Variants in SKAP1 observed in about 807,000 individuals in gnomAD.
SKAP1 encodes src kinase associated phosphoprotein 1, also known as src kinase-associated phosphoprotein 1.
SKAP1 carries 44 observed loss-of-function variants against 58.5 expected under a neutral mutation model. That is an observed-to-expected ratio of 0.75 (90% CI 0.59 to 0.97). The LOEUF is 0.97. Ranked by LOEUF, SKAP1 falls within the 50% of genes least tolerant of loss-of-function variation. The pLI, the probability that SKAP1 is intolerant of heterozygous loss-of-function variation, is 0.00. For missense variants in SKAP1, 390 were observed against 435.2 expected (o/e 0.90, Z 0.92); for synonymous variants, 127 against 149.7 (o/e 0.85, Z 1.11).
chr17:48,171,272 A>T (rs1440205964), intron 9 of SKAP1, among the ~76,000 whole-genome samples: 2 of 151,360 alleles, frequency 1.3e-5, no homozygotes, highest in Non-Finnish European at 2.9e-5. Flanking sequence ...ATGCCCAGCT[A>T]ATTTTGTATC....
intron 11 of SKAP1, among the ~76,000 whole-genome samples, chr17:48,147,183 C>G (rs1325995585): frequency 6.6e-6 from 1 of 152,158 alleles, no homozygotes; most frequent in Non-Finnish European, 1.5e-5. Context: ...GATGCATCTT[C>G]AAGAGAACAG....
intron 4 of SKAP1, among the ~76,000 whole-genome samples, chr17:48,262,245 A>G (rs1033144746): frequency 1.3e-5 from 2 of 152,202 alleles, no homozygotes; most frequent in African/African-American, 4.8e-5. Context: ...TCACAGTCCA[A>G]GTTCGGCCTC....
chr17:48,225,572 G>A (rs74966747), intron 4 of SKAP1, among the ~76,000 whole-genome samples: 89 of 152,270 alleles, frequency 5.8e-4, no homozygotes, highest in African/African-American at 2.0e-3. Flanking sequence ...TGGATTATGC[G>A]GAGGGCCCAT....
chr17:48,143,659 A>T (rs1319211947), intron 11 of SKAP1, among the ~76,000 whole-genome samples: 1 of 152,140 alleles, frequency 6.6e-6, no homozygotes, highest in Non-Finnish European at 1.5e-5. Flanking sequence ...GTAACTCGTA[A>T]AAACTAGCTT....
chr17:48,262,844 C>T (rs2065499165), intron 4 of SKAP1, among the ~76,000 whole-genome samples: 1 of 152,106 alleles, frequency 6.6e-6, no homozygotes, highest in Admixed American at 6.6e-5. Flanking sequence ...TTTTAGAAAG[C>T]AGGCAAACAA....
chr17:48,187,814 A>G lies in SKAP1; in HGVS notation c.442+29T>C, dbSNP rs770173353. The G allele has an allele frequency of 6.0e-6, 9 of 1,499,688 alleles. No homozygotes were observed. In the Admixed American group the frequency reaches 1.5e-4, roughly 25 times the overall value. The allele number at this position is 1,499,688 out of a possible 1,614,324, so 92.9% of individuals were successfully genotyped here. On this transcript the variant is annotated intron_variant, in intron 6 of 12. Coordinates refer to ENST00000336915, the MANE Select transcript of SKAP1 (RefSeq NM_003726.4). ...CGAAGTGTTTGCATCCAGGAGTGAG[A>G]TGCTGCTGTGTAAATGAAGAACACT...
chr17:48,291,316 GA>G (rs1049666260), intron 4 of SKAP1, among the ~76,000 whole-genome samples: 108 of 151,166 alleles, frequency 7.1e-4, no homozygotes, highest in Non-Finnish European at 1.3e-3. Context: ...ACTGGTGCTG[GA>G]AAAAAAAATT....
At chr17:48,333,878 T>C (rs186244874) in intron 4 of SKAP1, among the ~76,000 whole-genome samples, 9 of 152,076 alleles carry the variant, frequency 5.9e-5, no homozygotes, top group Admixed American at 5.2e-4. Context: ...AAACATGTAA[T>C]AGATTCCACA....
chr17:48,338,070 T>C (rs750421623), intron 4 of SKAP1, among the ~76,000 whole-genome samples: 5 of 151,856 alleles, frequency 3.3e-5, no homozygotes, highest in Non-Finnish European at 7.4e-5. Flanking sequence ...AGTTCCTTCT[T>C]TCTTTCTTTT....
chr17:48,276,629 T>A (rs773736210), intron 4 of SKAP1, among the ~76,000 whole-genome samples: 1 of 152,186 alleles, frequency 6.6e-6, no homozygotes, highest in Non-Finnish European at 1.5e-5. Context: ...ACATGGTACT[T>A]CCCTAATCAT....
chr17:48,249,521 A>C (rs2065336869), intron 4 of SKAP1, among the ~76,000 whole-genome samples: 2 of 152,156 alleles, frequency 1.3e-5, no homozygotes, highest in South Asian at 4.2e-4. Flanking sequence ...AAAAATACAA[A>C]AAATTAGCTG....
intron 2 of SKAP1, chr17:48,382,311 C>G (rs772322462): frequency 2.0e-5 from 3 of 152,106 alleles, no homozygotes; most frequent in Non-Finnish European, 1.5e-5. Flanking sequence ...CAAACCTGCA[C>G]GTTGTGCACG....
rs189974249 is a variant in SKAP1, at chr17:48,340,917, C to T, written c.280+4988G>A. Among the ~76,000 whole-genome samples the T allele has an allele frequency of 1.6e-4, 25 of 152,194 alleles. No individual in the cohort carries two copies. The East Asian group carries it at 4.6e-3, about 28-fold the overall frequency. On this transcript the variant is annotated intron_variant, in intron 4 of 12. Transcript: ENST00000336915. ...AATAAGGAAAATGAGTTGGAAAGCC[C>T]GTAAGAGTAGATGTCTACAGAGGAA...
At chr17:48,295,650 A>C (rs1454242770) in intron 4 of SKAP1, 1 of 136,904 alleles carries the variant, frequency 7.3e-6, no homozygotes, top group Non-Finnish European at 1.6e-5. Flanking sequence ...TTCGCTGTTT[A>C]TGGGTAAACA....
chr17:48,185,209 T>G (rs1332094481), intron 6 of SKAP1: 1 of 196,300 alleles, frequency 5.1e-6, no homozygotes, highest in African/African-American at 2.4e-5. Flanking sequence ...TGAAACATTA[T>G]TATCAGGGCC....
intron 1 of SKAP1, among the ~76,000 whole-genome samples, chr17:48,418,470 G>A (rs1474846524): frequency 6.6e-6 from 1 of 152,112 alleles, no homozygotes; most frequent in Non-Finnish European, 1.5e-5. Flanking sequence ...ATGTTGGTAA[G>A]GATATGGAGC....
intron 4 of SKAP1, among the ~76,000 whole-genome samples, chr17:48,264,234 A>T (rs944696908): frequency 1.9e-4 from 29 of 152,142 alleles, no homozygotes; most frequent in South Asian, 2.1e-4. Flanking sequence ...TACAAAATGT[A>T]TACATATATA....
At chr17:48,184,651 C>T in intron 7 of SKAP1, 72 bp downstream of exon 7, 1 of 1,589,352 alleles carries the variant, frequency 6.3e-7, no homozygotes, top group Non-Finnish European at 8.6e-7. Flanking sequence ...AGCATAGCAA[C>T]CATGGCTCAC....
intron 1 of SKAP1, among the ~76,000 whole-genome samples, chr17:48,421,449 G>T (rs549390459): frequency 6.6e-6 from 1 of 151,878 alleles, no homozygotes; most frequent in African/African-American, 2.4e-5. Context: ...GATTACAGGC[G>T]CCTGCCACCA....
Sources: allele counts gnomAD v4.1 joint callset (sites outside exome capture counted in the v4.1 genomes callset), GRCh38; gene constraint gnomAD v4.1.1; transcripts MANE v1.5; gene names NCBI Gene and HGNC (gene_info 2026-07-23, HGNC 2026-07-21).